EPC1: variants seen among roughly 807,000 people sequenced by gnomAD.
EPC1 encodes the protein enhancer of polycomb homolog 1.
EPC1 carries 12 observed loss-of-function variants against 98.4 expected under a neutral mutation model. That is an observed-to-expected ratio of 0.12 (90% CI 0.08 to 0.20). The LOEUF (loss-of-function observed/expected upper bound fraction) is 0.20. Ranked by LOEUF, EPC1 falls within the 10% of genes least tolerant of loss-of-function variation. The pLI is 1.00. For missense variants in EPC1, 729 were observed against 990.5 expected (o/e 0.74, Z 3.54); for synonymous variants, 357 against 363.9 (o/e 0.98, Z 0.21).
chr10:32,317,463 G>A (rs888481414), intron 1 of EPC1, among the ~76,000 whole-genome samples: 8 of 151,452 alleles, frequency 5.3e-5, no homozygotes, highest in Non-Finnish European at 4.4e-5. Context: ...CCAACATAGG[G>A]AAACCCTGTC....
chr10:32,281,872 T>A (rs1203161091), intron 10 of EPC1: 1 of 152,048 alleles, frequency 6.6e-6, no homozygotes, highest in Non-Finnish European at 1.5e-5. Flanking sequence ...GGTTTCGCCA[T>A]ATTAGCCAGG....
chr10:32,343,693 T>TG (rs1554824210), intron 1 of EPC1, among the ~76,000 whole-genome samples: 6 of 25,112 alleles, frequency 2.4e-4, no homozygotes, highest in East Asian at 1.4e-3. Context: ...CCAAATTATT[T>TG]TGGGGGGGGG....
At chr10:32,317,597 G>A (rs1351308332) in intron 1 of EPC1, among the ~76,000 whole-genome samples, 5 of 152,134 alleles carry the variant, frequency 3.3e-5, no homozygotes, top group Admixed American at 1.3e-4. Flanking sequence ...AGCCAAGATC[G>A]TGCCACTGCA....
At chr10:32,338,951 A>AAT (rs1564555661) in intron 1 of EPC1, among the ~76,000 whole-genome samples, 4 of 142,146 alleles carry the variant, frequency 2.8e-5, no homozygotes, top group African/African-American at 9.9e-5. Context: ...AAAAATAAAT[A>AAT]AATAAATAAA....
chr10:32,346,811 G>A lies in EPC1; in HGVS notation c.105C>T (p.Asn35=). The A allele has an allele frequency of 6.2e-7, 1 of 1,614,164 alleles. No individual in the cohort carries two copies. The change falls in exon 1 of 14, where the codon AAC becomes AAT. Residue 35 remains asparagine, a synonymous_variant. Coordinates refer to ENST00000319778, the MANE Select transcript of EPC1 (RefSeq NM_001272004.3). ...LPDLHEYASI[N]RAVPQMPTGM... ...CGGTGGGCATCTGCGGCACGGCCCT[G>A]TTTATCGAGGCGTATTCGTGCAGGT...
intron 10 of EPC1, among the ~76,000 whole-genome samples, chr10:32,274,351 TA>T (rs1222475129): frequency 1.3e-5 from 2 of 152,204 alleles, no homozygotes; most frequent in African/African-American, 4.8e-5. Context: ...TTCAGTTTGA[TA>T]ATTTAGTTAG....
chr10:32,281,526 C>G (rs1836408729), intron 10 of EPC1, among the ~76,000 whole-genome samples: 6 of 152,146 alleles, frequency 3.9e-5, no homozygotes, highest in Admixed American at 3.9e-4. Context: ...AGATGCTTAA[C>G]CTATGAATAA....
intron 3 of EPC1, 134 bp downstream of exon 3, chr10:32,293,458 G>T: frequency 1.1e-6 from 1 of 883,220 alleles, no homozygotes; most frequent in Non-Finnish European, 1.7e-6. Flanking sequence ...AAGCAGAGAT[G>T]AGATTTGAAT....
intron 1 of EPC1, among the ~76,000 whole-genome samples, chr10:32,328,193 G>C (rs905019382): frequency 2.6e-5 from 4 of 152,144 alleles, no homozygotes; most frequent in African/African-American, 9.7e-5. Context: ...ACATCTGAAC[G>C]GGTTAAAGAG....
chr10:32,308,690 A>T (rs74625866), intron 1 of EPC1, among the ~76,000 whole-genome samples: 23,845 of 152,158 alleles, frequency 0.16, 2,134 homozygotes, highest in South Asian at 0.33. Context: ...TGAGAATGTA[A>T]ATTAGTACAG....
At chr10:32,320,188 G>GT (rs1379367452) in intron 1 of EPC1, among the ~76,000 whole-genome samples, 2 of 143,278 alleles carry the variant, frequency 1.4e-5, no homozygotes, top group African/African-American at 2.6e-5. Context: ...CCAAATAATG[G>GT]TTGTTTTTTT....
chr10:32,286,539 A>G (rs770468788), intron 9 of EPC1, 155 bp downstream of exon 9: 32 of 870,152 alleles, frequency 3.7e-5, no homozygotes, highest in Non-Finnish European at 5.1e-5. Flanking sequence ...AGAACCAGGC[A>G]GCACAGCAAC....
chr10:32,273,046 G>C (rs1835914456), intron 11 of EPC1, 117 bp downstream of exon 11: 1 of 1,614,008 alleles, frequency 6.2e-7, no homozygotes, highest in South Asian at 1.1e-5. Context: ...TGTATATTCA[G>C]GCGAAAGCCA....
At chr10:32,295,713 G>T (rs1489411939) in intron 2 of EPC1, among the ~76,000 whole-genome samples, 1 of 152,124 alleles carries the variant, frequency 6.6e-6, no homozygotes, top group Non-Finnish European at 1.5e-5. Flanking sequence ...GCGGCTAACT[G>T]AATTTATATT....
chr10:32,361,465 G>C (rs1839440337), intron 1 of EPC1, among the ~76,000 whole-genome samples: 5 of 152,170 alleles, frequency 3.3e-5, no homozygotes, highest in Admixed American at 2.6e-4. Flanking sequence ...GCTATCCTTT[G>C]TTACAGAATA....
chr10:32,345,454 G>A lies in EPC1; in HGVS notation c.153+1309C>T, dbSNP rs748752065. 4 of 985,198 alleles carry A rather than the reference G, an allele frequency of 4.1e-6. No homozygotes were observed. The African/African-American group carries it at 7.0e-5, about 17-fold the overall frequency. 61.0% of individuals were successfully genotyped at this position (985,198 alleles called of 1,614,324 possible). On this transcript the variant is annotated intron_variant, in intron 1 of 13. Transcript: ENST00000319778. ...ATTAAAAATTCTTACAGTACCAAGA[G>A]AAGTATTACAGTACAATTTTCCACA...
chr10:32,352,190 A>G (rs1054712883), intron 1 of EPC1, among the ~76,000 whole-genome samples: 2 of 149,460 alleles, frequency 1.3e-5, no homozygotes, highest in Non-Finnish European at 3.0e-5. Context: ...GACTACAGGC[A>G]CCTGCCACCA....
upstream of EPC1, among the ~76,000 whole-genome samples, chr10:32,350,654 G>C (rs1839085513): frequency 6.6e-6 from 1 of 152,174 alleles, no homozygotes; most frequent in Non-Finnish European, 1.5e-5. Context: ...AGTAGGAGTA[G>C]AAAGTAAAGA....
chr10:32,364,038 G>T (rs1430273870), intron 1 of EPC1, among the ~76,000 whole-genome samples: 3 of 69,248 alleles, frequency 4.3e-5, no homozygotes, highest in Non-Finnish European at 5.7e-5. Flanking sequence ...TTTTTAGATG[G>T]AGTTTCACTC....
Sources: allele counts gnomAD v4.1 joint callset (sites outside exome capture counted in the v4.1 genomes callset), GRCh38; gene constraint gnomAD v4.1.1; transcripts MANE v1.5; gene names NCBI Gene and HGNC (gene_info 2026-07-23, HGNC 2026-07-21).